Variants in STRADA observed in about 807,000 individuals in gnomAD.
The protein encoded by STRADA is STE20-related kinase adapter protein alpha.
A neutral mutation model predicts 55.0 loss-of-function variants in STRADA; 26 were observed. The ratio of observed to expected loss-of-function variants is 0.47; its 90% CI spans 0.35 to 0.66. STRADA has a LOEUF of 0.66. Ranked by LOEUF, STRADA falls within the 30% of genes least tolerant of loss-of-function variation. The pLI, the probability that STRADA is intolerant of heterozygous loss-of-function variation, is 0.01. For synonymous variants in STRADA, 197 were observed against 210.9 expected, an observed-to-expected ratio of 0.93 and a Z score of 0.57; for missense variants, 443 against 549.7, an observed-to-expected ratio of 0.81 and a Z score of 1.94.
intron 1 of STRADA, among the ~76,000 whole-genome samples, chr17:63,740,140 A>ATG: frequency 2.6e-5 from 1 of 38,046 alleles, no homozygotes; most frequent in African/African-American, 1.3e-4. Flanking sequence ...ACATACATAT[A>ATG]TATATATACA....
At chr17:63,713,676 A>T in intron 5 of STRADA, 149 bp from the exon 6 acceptor site, 1 of 1,037,340 alleles carries the variant, frequency 9.6e-7, no homozygotes, top group Non-Finnish European at 1.4e-6. Flanking sequence ...TTTTCCCAGC[A>T]GAATTTAACT....
chr17:63,704,630 G>C lies in STRADA; in HGVS notation c.859-48C>G, dbSNP rs765052527. 1.5e-4 allele frequency: 129 copies of C among 874,418 alleles called. 2 individuals carry two copies. Among genetic ancestry groups the C allele is most frequent in the Admixed American group, 9.7e-4 (41 of 42,110 alleles). The allele number at this position is 874,418 out of a possible 1,614,324, so 54.2% of individuals were successfully genotyped here. A position where few individuals can be genotyped will look rare whatever the true frequency, so the allele number is the denominator to read the frequency against. On this transcript the variant is annotated intron_variant, in intron 10 of 12. Coordinates refer to ENST00000336174, the MANE Select transcript of STRADA (RefSeq NM_001003787.4). Reference sequence around the variant, plus strand: ...CTGGGCTGTAGCGGGTGGGGGGGGGGGGTGGTCCCTGGAAGGCCTGAGAGT... The same window carrying C: ...CTGGGCTGTAGCGGGTGGGGGGGGGCGGTGGTCCCTGGAAGGCCTGAGAGT...
At chr17:63,740,086 C>CTATATATATATATATATATATATATA (rs771962134) in intron 1 of STRADA, among the ~76,000 whole-genome samples, 12 of 41,516 alleles carry the variant, frequency 2.9e-4, no homozygotes, top group African/African-American at 2.0e-3. Flanking sequence ...ACATTTAACA[C>CTATATATATATATATATATATATATA]TATATATATA....
At chr17:63,707,609 G>A in intron 8 of STRADA, 191 bp from the exon 9 acceptor site, 5 of 579,922 alleles carry the variant, frequency 8.6e-6, no homozygotes, top group Admixed American at 3.1e-5. Context: ...CACCCGGCTA[G>A]AGTGCAGTGG....
rs890837405 is a variant in STRADA, at chr17:63,703,529, C to G, written c.*70G>C. On this transcript the variant is annotated 3_prime_UTR_variant, in exon 13 of 13. Transcript: ENST00000336174. The stretch of plus-strand genomic sequence containing the variant: ...CTGCCCAGGAGGGCGGGAATGTGGC[C>G]GGCCCTCAGGAAGGGCCTCTGGGTG... 3 of 1,446,238 alleles carry G rather than the reference C, an allele frequency of 2.1e-6. No individual in the cohort carries two copies. The highest frequency in any genetic ancestry group is 4.3e-5 in the Admixed American group (2 of 46,326). 89.6% of individuals were successfully genotyped at this position (1,446,238 alleles called of 1,614,324 possible).
At chr17:63,717,253 T>C (rs1033233770) in intron 4 of STRADA, 3 of 152,244 alleles carry the variant, frequency 2.0e-5, no homozygotes, top group African/African-American at 7.2e-5. Context: ...TTTATACTTA[T>C]CTGTGTTTTC....
chr17:63,738,686 C>T (rs2038634864), intron 1 of STRADA, among the ~76,000 whole-genome samples: 1 of 151,738 alleles, frequency 6.6e-6, no homozygotes, highest in Non-Finnish European at 1.5e-5. Context: ...GGTGAAACCC[C>T]ATCTCTCCTA....
chr17:63,703,130 G>T lies in STRADA; in HGVS notation c.*469C>A, dbSNP rs2035835317. The T allele has an allele frequency of 6.2e-6, 1 of 161,256 alleles. No homozygotes were observed. The highest frequency in any genetic ancestry group is 1.4e-5 in the Non-Finnish European group (1 of 72,948). 10.0% of individuals were successfully genotyped at this position (161,256 alleles called of 1,614,324 possible). ...CCTTCTCTGGAATTATGAGGGAGAG[G>T]TCTGAGGGAAGGGAGGCAGGCAGCT... On this transcript the variant is annotated 3_prime_UTR_variant, in exon 13 of 13. Coordinates refer to ENST00000336174, the MANE Select transcript of STRADA (RefSeq NM_001003787.4).
intron 11 of STRADA, 106 bp from the exon 12 acceptor site, chr17:63,704,153 A>C: frequency 6.5e-7 from 1 of 1,536,520 alleles, no homozygotes; most frequent in Non-Finnish European, 8.8e-7. Context: ...CCTCTCCCTC[A>C]GCTCATGGGA....
chr17:63,725,686 T>TTGAGACGGAGTATAGCTC (rs2037602643), intron 3 of STRADA: 5 of 147,170 alleles, frequency 3.4e-5, no homozygotes, highest in Admixed American at 2.0e-4. Context: ...TTTTTTTTCT[T>TTGAGACGGAGTATAGCTC]TGAGACGGAG....
At position 63,704,389 on chromosome 17, in the gene STRADA, T is replaced by TG. The variant is rs1172467224; in HGVS notation, c.1051dup (p.His351ProfsTer54). The TG allele has an allele frequency of 3.2e-6, 5 of 1,581,446 alleles. No individual in the cohort carries two copies. The highest frequency in any genetic ancestry group is 4.3e-6 in the Non-Finnish European group (5 of 1,165,302). On this transcript the variant is annotated frameshift_variant, in exon 11 of 13. Coordinates refer to ENST00000336174, the MANE Select transcript of STRADA (RefSeq NM_001003787.4). LOFTEE classifies it high-confidence loss of function. ...GCACTGCTCCACAAAGTGGTGGAAG[T>TG]GGGGGGAGAAGGTTCGGTGGTAGGG...
At chr17:63,733,182 C>G (rs59368138) in intron 1 of STRADA, among the ~76,000 whole-genome samples, 5,351 of 152,276 alleles carry the variant, frequency 0.035, 302 homozygotes, top group African/African-American at 0.12. Context: ...AGATTTTGGG[C>G]CTGCCAATGG....
At chr17:63,710,690 CA>C (rs1272784555) in intron 7 of STRADA, 37 bp downstream of exon 7, 2 of 1,613,972 alleles carry the variant, frequency 1.2e-6, no homozygotes, top group South Asian at 2.2e-5. Context: ...AACAGAGTCC[CA>C]ATAACCCCTT....
rs540530382 is a variant in STRADA at position 63,708,200 on chromosome 17, C to CTTG, written c.582-785_582-783dup. Among the ~76,000 whole-genome samples, 139 of 150,894 alleles carry CTTG rather than the reference C, an allele frequency of 9.2e-4. 2 individuals carry two copies. Among genetic ancestry groups the CTTG allele is most frequent in the African/African-American group, 3.1e-3 (127 of 41,084 alleles). ...CCGGCCTATAACCAGGTTTTTTGTTCTTGTTGTTGTTGTTGTTGAGACAGA... is the reference window on the plus strand; with the variant it reads ...CCGGCCTATAACCAGGTTTTTTGTTCTTGTTGTTGTTGTTGTTGTTGAGACAGA... On this transcript the variant is annotated intron_variant, in intron 8 of 12. Transcript: ENST00000336174.
intron 2 of STRADA, 73 bp downstream of exon 2, chr17:63,728,261 A>G: frequency 6.6e-7 from 1 of 1,516,518 alleles, no homozygotes; most frequent in Non-Finnish European, 9.1e-7. Flanking sequence ...AAAACCACCT[A>G]CAACATCTGC....
At chr17:63,709,297 T>A (rs2036331265) in intron 8 of STRADA, among the ~76,000 whole-genome samples, 1 of 152,252 alleles carries the variant, frequency 6.6e-6, no homozygotes, top group African/African-American at 2.4e-5. Flanking sequence ...CCGCTGCCAG[T>A]CTCATGTGTA....
chr17:63,735,433 G>A (rs1220573062), intron 1 of STRADA, among the ~76,000 whole-genome samples: 1 of 152,152 alleles, frequency 6.6e-6, no homozygotes, highest in African/African-American at 2.4e-5. Flanking sequence ...AATGACATCC[G>A]TCTGACACCT....
intron 7 of STRADA, 50 bp downstream of exon 7, chr17:63,710,678 A>T: frequency 6.2e-7 from 1 of 1,614,026 alleles, no homozygotes; most frequent in Non-Finnish European, 8.5e-7. Flanking sequence ...AGGCAATCTG[A>T]CAACAGAGTC....
At chr17:63,728,519 C>A in intron 1 of STRADA, 106 bp from the exon 2 acceptor site, 1 of 572,860 alleles carries the variant, frequency 1.7e-6, no homozygotes, top group East Asian at 3.1e-5. Flanking sequence ...AAGCACTGGA[C>A]TTCACCTATA....
Sources: allele counts gnomAD v4.1 joint callset (sites outside exome capture counted in the v4.1 genomes callset), GRCh38; gene constraint gnomAD v4.1.1; transcripts MANE v1.5; gene names NCBI Gene and HGNC (gene_info 2026-07-23, HGNC 2026-07-21).